The following PRMT9 variants were observed in gnomAD, a reference collection of about 807,000 sequenced individuals.
PRMT9 encodes protein arginine methyltransferase 9.
Under a neutral mutation model 83.2 loss-of-function variants are expected in PRMT9, and 59 were observed. The observed-to-expected ratio is 0.71, with a 90% CI of 0.57 to 0.88. The LOEUF is 0.88. Ranked by LOEUF, PRMT9 falls within the 40% of genes least tolerant of loss-of-function variation. PRMT9 has a pLI of 0.00. For missense variants in PRMT9, 947 were observed against 1,021.9 expected (o/e 0.93, Z 1.00); for synonymous variants, 333 against 353.2 (o/e 0.94, Z 0.64).
Position 147,668,630 on chromosome 4 carries a change from C to A in PRMT9, c.862G>T (p.Ala288Ser), listed in dbSNP as rs1191797239. Residue 288 changes from alanine to serine, a missense_variant, in exon 6 of 12, where the codon GCT becomes TCT. Ala to Ser is a moderately conservative substitution (Grantham distance 99). Coordinates refer to ENST00000322396, the MANE Select transcript of PRMT9 (RefSeq NM_138364.4). The stretch of plus-strand genomic sequence containing the variant: ...ACTTTCCCATACTTTTCACAATTAG[C>A]ACTTTCACCTTTGGTCTAAAAAAAA... ...LLQPKTKGES[A>S]NCEKYGKVIP... The A allele has an allele frequency of 1.2e-6, 2 of 1,605,766 alleles. No homozygotes were observed. The highest frequency in any genetic ancestry group is 2.7e-5 in the African/African-American group (2 of 74,782).
chr4:147,642,192 C>CTT (rs1578874036), intron 10 of PRMT9, among the ~76,000 whole-genome samples: 1 of 152,154 alleles, frequency 6.6e-6, no homozygotes, highest in South Asian at 2.1e-4. Context: ...AAGATTAAAA[C>CTT]CTAGGACCCT....
chr4:147,640,623 T>A (rs147299119), intron 10 of PRMT9, among the ~76,000 whole-genome samples: 280 of 152,262 alleles, frequency 1.8e-3, no homozygotes, highest in African/African-American at 6.4e-3. Context: ...GATCCTATTT[T>A]CCCCATTATC....
At chr4:147,641,768 TCTC>T (rs1733419077) in intron 10 of PRMT9, among the ~76,000 whole-genome samples, 1 of 152,014 alleles carries the variant, frequency 6.6e-6, no homozygotes, top group African/African-American at 2.4e-5. Context: ...CTCAAGCAAT[TCTC>T]CTACCTCAGC....
In PRMT9 at chr4:147,673,008, A is replaced by C; in HGVS notation, c.694T>G (p.Leu232Val). The C allele has an allele frequency of 6.2e-7, 1 of 1,614,034 alleles. No homozygotes were observed. Among genetic ancestry groups the C allele is most frequent in the Non-Finnish European group, 8.5e-7 (1 of 1,179,922 alleles). The change falls in exon 4 of 12, where the codon TTA becomes GTA. Residue 232 changes from leucine to valine, a missense_variant. Physicochemically the swap from Leu to Val is conservative, Grantham distance 32. Coordinates refer to ENST00000322396, the MANE Select transcript of PRMT9 (RefSeq NM_138364.4). ...ANKMEAGIKLLHTKSLDIEIP... is the reference protein window; with the variant it reads ...ANKMEAGIKLVHTKSLDIEIP... The stretch of plus-strand genomic sequence containing the variant: ...TCTATGTCAAGTGACTTCGTATGTA[A>C]GAGTTTGATCCCTGCTTCCATCTTG...
intron 1 of PRMT9, among the ~76,000 whole-genome samples, chr4:147,680,793 C>G (rs986992393): frequency 3.3e-5 from 5 of 152,114 alleles, no homozygotes; most frequent in Admixed American, 1.3e-4. Flanking sequence ...TGTCCTTGGC[C>G]CTCTTCTTTT....
intron 6 of PRMT9, among the ~76,000 whole-genome samples, chr4:147,662,793 T>G (rs910203239): frequency 6.6e-6 from 1 of 151,836 alleles, no homozygotes; most frequent in African/African-American, 2.4e-5. Flanking sequence ...AGCGAGACCC[T>G]GTCTCAAAAA....
intron 4 of PRMT9, among the ~76,000 whole-genome samples, 166 bp downstream of exon 4, chr4:147,672,793 A>G (rs1735817285): frequency 6.6e-6 from 1 of 152,110 alleles, no homozygotes; most frequent in African/African-American, 2.4e-5. Flanking sequence ...AATAAAGAAT[A>G]TAATTTTATT....
intron 9 of PRMT9, among the ~76,000 whole-genome samples, chr4:147,648,408 A>T (rs1167188279): frequency 6.6e-6 from 1 of 152,226 alleles, no homozygotes; most frequent in African/African-American, 2.4e-5. Flanking sequence ...GAACACATGG[A>T]GGTTCCTAGA....
chr4:147,641,208 CT>C (rs1236676378), intron 10 of PRMT9, among the ~76,000 whole-genome samples: 1 of 152,192 alleles, frequency 6.6e-6, no homozygotes, highest in Admixed American at 6.5e-5. Context: ...TGTCAAGCCT[CT>C]GTTCAATACC....
chr4:147,638,972 G>A lies in PRMT9; in HGVS notation c.2310C>T (p.Asn770=), dbSNP rs1733195360. ...ATGTTGTCCTTACCTTTACTTCTCTGTTAGAGGTGTTCAAATACGGAGTCA... is the reference window on the plus strand; with the variant it reads ...ATGTTGTCCTTACCTTTACTTCTCTATTAGAGGTGTTCAAATACGGAGTCA... ...DLMTPYLNTS[N]REVKVYVCKS... is the part of the protein sequence containing the mutation. The change falls in exon 11 of 12, where the codon AAC becomes AAT. Residue 770 remains asparagine (N), a synonymous_variant. Transcript: ENST00000322396. The A allele has an allele frequency of 1.2e-6, 2 of 1,611,784 alleles. No individual in the cohort carries two copies. Among genetic ancestry groups the A allele is most frequent in the South Asian group, 2.2e-5 (2 of 91,036 alleles).
rs1733202115 is a variant in PRMT9, at chr4:147,639,045, G to A, written c.2237C>T (p.Pro746Leu). ...IRVFLDLSSLPCIPLSKPVEL... is the reference protein window; with the variant it reads ...IRVFLDLSSLLCIPLSKPVEL... ...CACTGGCTTGCTTAAAGGTATACAG[G>A]GCAATGAGGATAGGTCCAAAAATAC... Residue 746 changes from proline (P) to leucine (L), a missense_variant, in exon 11 of 12, where the codon CCC (proline) becomes CTC (leucine). Coordinates refer to ENST00000322396, the MANE Select transcript of PRMT9 (RefSeq NM_138364.4). 6.2e-7 allele frequency: 1 copy of A among 1,613,068 alleles called. No individual in the cohort carries two copies. The highest frequency in any genetic ancestry group is 8.5e-7 in the Non-Finnish European group (1 of 1,179,258).
chr4:147,669,997 AAG>A (rs1187859025), intron 5 of PRMT9, among the ~76,000 whole-genome samples: 2 of 152,214 alleles, frequency 1.3e-5, no homozygotes, highest in African/African-American at 2.4e-5. Context: ...TGAGGTCTGT[AAG>A]ACTGAAAGTA....
At chr4:147,650,520 T>TA (rs1011522037) in intron 9 of PRMT9, among the ~76,000 whole-genome samples, 1 of 151,670 alleles carries the variant, frequency 6.6e-6, no homozygotes, top group African/African-American at 2.4e-5. Context: ...AAACATAGCT[T>TA]AAAAAAAAAT....
Position 147,683,685 on chromosome 4 carries a change from CA to C in PRMT9, c.189+113del, listed in dbSNP as rs572385146. ...GAGAAAAAAGGGCCCTAAATATTAA[CA>C]GCAACCACCCACCCAGGCACCCTAG... On this transcript the variant is annotated intron_variant, in intron 1 of 11. Coordinates refer to ENST00000322396, the MANE Select transcript of PRMT9 (RefSeq NM_138364.4). The C allele has an allele frequency of 4.9e-5, 49 of 995,636 alleles. No homozygotes were observed. The South Asian group carries it at 6.1e-4, about 12-fold the overall frequency. The allele number at this position is 995,636 out of a possible 1,614,324, so 61.7% of individuals were successfully genotyped here.
At chr4:147,675,030 G>T (rs1016000167) in intron 2 of PRMT9, among the ~76,000 whole-genome samples, 4 of 152,060 alleles carry the variant, frequency 2.6e-5, no homozygotes, top group African/African-American at 9.7e-5. Flanking sequence ...GCCCAGGCTG[G>T]AGTGCAATGG....
At chr4:147,654,594 A>T (rs1173497988) in intron 8 of PRMT9, 28 bp from the exon 9 acceptor site, 2 of 1,416,988 alleles carry the variant, frequency 1.4e-6, no homozygotes, top group Admixed American at 3.3e-5. Flanking sequence ...GAAGAAAAAA[A>T]ATATGGAGTA....
intron 10 of PRMT9, among the ~76,000 whole-genome samples, chr4:147,639,959 A>C (rs1733270911): frequency 1.3e-5 from 2 of 149,120 alleles, no homozygotes; most frequent in African/African-American, 5.0e-5. Context: ...TTAGATTCTC[A>C]TGTCACCTCT....
chr4:147,666,846 G>C (rs945434962), intron 6 of PRMT9, among the ~76,000 whole-genome samples: 1 of 118,536 alleles, frequency 8.4e-6, no homozygotes, highest in African/African-American at 3.4e-5. Context: ...AAAAAAAAAA[G>C]ATATTGGCCT....
intron 1 of PRMT9, among the ~76,000 whole-genome samples, chr4:147,683,373 G>C (rs956725860): frequency 1.3e-5 from 2 of 152,192 alleles, no homozygotes; most frequent in Admixed American, 1.3e-4. Flanking sequence ...TGTTGACACA[G>C]ACTGCAGGAG....
Sources: allele counts gnomAD v4.1 joint callset (sites outside exome capture counted in the v4.1 genomes callset), GRCh38; gene constraint gnomAD v4.1.1; transcripts MANE v1.5; gene names NCBI Gene and HGNC (gene_info 2026-07-23, HGNC 2026-07-21).